The following RELB variants were observed in gnomAD, a reference collection of about 807,000 sequenced individuals.
RELB encodes RELB proto-oncogene, NF-kB subunit, also known as transcription factor RelB.
In RELB, 14 loss-of-function variants were observed where a neutral mutation model predicts 55.4. The observed-to-expected ratio is 0.25, with a 90% confidence interval of 0.17 to 0.40. The LOEUF (loss-of-function observed/expected upper bound fraction) is 0.40. Among genes scored for constraint, RELB ranks in the 10% least tolerant of loss-of-function variants. The probability of loss-of-function intolerance (pLI) is 1.00; values close to 1 mark genes in which losing one functional copy is unlikely to be tolerated. For synonymous variants in RELB, 409 were observed against 371.3 expected (o/e 1.10, Z -1.17); for missense variants, 669 against 830.7 (o/e 0.81, Z 2.39).
Position 45,021,911 on chromosome 19 carries a change from G to C in RELB, c.505-142G>C, listed in dbSNP as rs75725829. 790 of 798,580 alleles carry C rather than the reference G, an allele frequency of 9.9e-4. 15 individuals carry two copies. In the African/African-American group the frequency reaches 0.013, roughly 13 times the overall value. The allele number at this position is 798,580 out of a possible 1,614,324, so 49.5% of individuals were successfully genotyped here. ...TAAGCAAACACATTCCATCATCCTG[G>C]TCGCGGGAGAAGGTTGGGGAGCTCC... On this transcript the variant is annotated intron_variant, in intron 4 of 11. Transcript: ENST00000221452.
intron 2 of RELB, chr19:45,008,716 G>T: frequency 2.9e-6 from 1 of 347,810 alleles, no homozygotes; most frequent in Non-Finnish European, 5.8e-6. Context: ...TCTAGCAGCG[G>T]AACAGGTTCG....
At chr19:45,002,197 G>T (rs2122374223) in intron 1 of RELB, among the ~76,000 whole-genome samples, 1 of 151,998 alleles carries the variant, frequency 6.6e-6, no homozygotes, top group South Asian at 2.1e-4. Context: ...TGGCCGAGTG[G>T]AGGGGAAGGG....
chr19:45,020,425 G>C (rs962621939), intron 4 of RELB, among the ~76,000 whole-genome samples: 1 of 151,224 alleles, frequency 6.6e-6, no homozygotes, highest in Non-Finnish European at 1.5e-5. Context: ...GGTTGCCCAG[G>C]CTGGTCTTGA....
In RELB at chr19:45,011,756, C is replaced by CTG. The variant is rs199579874; in HGVS notation, c.164-139_164-138dup. On this transcript the variant is annotated intron_variant, in intron 3 of 11. Coordinates refer to ENST00000221452, the MANE Select transcript of RELB (RefSeq NM_006509.4). Reference sequence around the variant, plus strand: ...GCCACCGCACCTGGCCTCCCTGACTCTGTGTGTGTGTGTGTGTGTGTGTGT... The same window carrying CTG: ...GCCACCGCACCTGGCCTCCCTGACTCTGTGTGTGTGTGTGTGTGTGTGTGTGT... Among the ~76,000 whole-genome samples, 269 of 59,832 alleles carry CTG rather than the reference C, an allele frequency of 4.5e-3. 1 individual carries two copies. Among genetic ancestry groups the CTG allele is most frequent in the African/African-American group, 8.3e-3 (133 of 16,118 alleles). The allele number at this position is 59,832 out of a possible 152,430, so 39.3% of individuals were successfully genotyped here.
At position 45,033,021 on chromosome 19, in the gene RELB, G is replaced by A. The variant is rs564559084; in HGVS notation, c.1207+272G>A. 2.6e-5 allele frequency among the ~76,000 whole-genome samples: 4 copies of A among 152,224 alleles called. No homozygotes were observed. In the East Asian group the frequency reaches 5.8e-4, roughly 22 times the overall value. On this transcript the variant is annotated intron_variant, in intron 9 of 11. Transcript: ENST00000221452. ...TCCCCTCAGCATCCTGCACATGCCC[G>A]GGCCTGTGCTCGGTATTGCTAGAGA...
At chr19:45,026,562 A>AC (rs397821377) in intron 7 of RELB, among the ~76,000 whole-genome samples, 12 of 151,376 alleles carry the variant, frequency 7.9e-5, no homozygotes, top group South Asian at 2.1e-4. Context: ...AGAAAAAAAA[A>AC]CATCAAACCC....
Position 45,032,685 on chromosome 19 carries a change from G to A in RELB, c.1143G>A (p.Leu381=), listed in dbSNP as rs750636612. The stretch of plus-strand genomic sequence containing the variant: ...AGCCCGTGACAGTCAACGTCTTCCT[G>A]CAGCGGCTCACCGATGGGGTCTGCA... ...IVEPVTVNVF[L]QRLTDGVCSE... The change falls in exon 9 of 12, where the codon CTG becomes CTA. Residue 381 remains leucine (L), a synonymous_variant. Transcript: ENST00000221452. The A allele has an allele frequency of 6.2e-7, 1 of 1,611,096 alleles. No homozygotes were observed. The highest frequency in any genetic ancestry group is 8.5e-7 in the Non-Finnish European group (1 of 1,178,824).
intron 5 of RELB, among the ~76,000 whole-genome samples, chr19:45,023,740 CTTTTTTTTTTTTTTTT>C (rs1168078618): frequency 7.8e-5 from 3 of 38,386 alleles, no homozygotes; most frequent in African/African-American, 2.0e-4. Flanking sequence ...TGCCCAGCCT[CTTTTTTTTTTTTTTTT>C]TTTTTTTTTT....
In RELB at chr19:45,037,682, C is replaced by T. The variant is rs1971712282; in HGVS notation, c.1632C>T (p.Pro544=). Residue 544 remains proline (P), a synonymous_variant, in exon 12 of 12, where the codon CCC becomes CCT. Coordinates refer to ENST00000221452, the MANE Select transcript of RELB (RefSeq NM_006509.4). ...LTLDSYQAPG[P]GDGGTASLVG... ...TGGACTCGTACCAGGCCCCGGGCCCCGGGGATGGAGGCACCGCCAGCCTTG... is the reference window on the plus strand; with the variant it reads ...TGGACTCGTACCAGGCCCCGGGCCCTGGGGATGGAGGCACCGCCAGCCTTG... 3.8e-6 allele frequency: 6 copies of T among 1,564,712 alleles called. No individual in the cohort carries two copies. The highest frequency in any genetic ancestry group is 2.8e-5 in the African/African-American group (2 of 71,322).
At chr19:45,019,422 A>G (rs569922974) in intron 4 of RELB, among the ~76,000 whole-genome samples, 3 of 152,134 alleles carry the variant, frequency 2.0e-5, no homozygotes, top group Non-Finnish European at 4.4e-5. Flanking sequence ...ATGCTACTTC[A>G]CCCCTAATTC....
chr19:45,011,004 C>T (rs961528787), intron 3 of RELB, among the ~76,000 whole-genome samples: 1 of 151,942 alleles, frequency 6.6e-6, no homozygotes, highest in Non-Finnish European at 1.5e-5. Context: ...TGCAGGCACA[C>T]ATCACCATGC....
intron 2 of RELB, among the ~76,000 whole-genome samples, chr19:45,007,114 C>T (rs560112433): frequency 1.3e-5 from 2 of 152,114 alleles, no homozygotes; most frequent in South Asian, 4.2e-4. Flanking sequence ...GAGGAAGTCA[C>T]GCCATGCAAA....
chr19:45,011,797 T>TGAGA (rs58500013), intron 3 of RELB, 139 bp from the exon 4 acceptor site: 263 of 69,794 alleles, frequency 3.8e-3, no homozygotes, highest in South Asian at 0.014. Context: ...TGTGTGTGTG[T>TGAGA]GAGAGAGAGA....
intron 4 of RELB, among the ~76,000 whole-genome samples, chr19:45,021,200 A>G (rs1227384222): frequency 2.0e-5 from 3 of 151,764 alleles, no homozygotes; most frequent in Admixed American, 6.6e-5. Context: ...AAGGCCAGGC[A>G]CGGTGACTCA....
At chr19:45,037,095 A>G (rs1245431440) in intron 11 of RELB, among the ~76,000 whole-genome samples, 1 of 152,102 alleles carries the variant, frequency 6.6e-6, no homozygotes. Flanking sequence ...CCTGGCAAAC[A>G]TGGTGAAACC....
intron 9 of RELB, among the ~76,000 whole-genome samples, chr19:45,033,113 C>CCGT (rs1971645411): frequency 6.6e-6 from 1 of 152,136 alleles, no homozygotes; most frequent in Admixed American, 6.6e-5. Flanking sequence ...GGATAGGGGA[C>CCGT]AGCCTGTCCC....
At chr19:45,033,083 C>A (rs1256757575) in intron 9 of RELB, among the ~76,000 whole-genome samples, 1 of 152,180 alleles carries the variant, frequency 6.6e-6, no homozygotes, top group Non-Finnish European at 1.5e-5. Flanking sequence ...GCTGTGTCCT[C>A]ATGAGGCTTA....
rs1971717021 is a variant in RELB, at chr19:45,037,830, G to A, written c.*40G>A. The A allele has an allele frequency of 1.4e-6, 2 of 1,469,624 alleles. No individual in the cohort carries two copies. Among genetic ancestry groups the A allele is most frequent in the African/African-American group, 1.5e-5 (1 of 68,702 alleles). The allele number at this position is 1,469,624 out of a possible 1,614,324, so 91.0% of individuals were successfully genotyped here. On this transcript the variant is annotated 3_prime_UTR_variant, in exon 12 of 12. Transcript: ENST00000221452. Reference sequence around the variant, plus strand: ...AGGAGGGGCACTGGGTGGGGAGGGAGGTGGAGGAGCCGTGCAATCCCAACC... The same window carrying A: ...AGGAGGGGCACTGGGTGGGGAGGGAAGTGGAGGAGCCGTGCAATCCCAACC...
intron 5 of RELB, among the ~76,000 whole-genome samples, chr19:45,022,549 T>G (rs1467572003): frequency 1.3e-4 from 1 of 7,530 alleles, no homozygotes; most frequent in Non-Finnish European, 5.2e-4. Flanking sequence ...CAATTCATCT[T>G]TTTTTTTTTT....
Sources: gnomAD v4.1 joint callset for allele counts (sites outside exome capture counted in the v4.1 genomes callset) on GRCh38, gnomAD v4.1.1 for gene constraint, MANE v1.5 for transcripts, NCBI Gene and HGNC (gene_info 2026-07-23, HGNC 2026-07-21) for gene names.